The following PLEKHM2 variants were observed in gnomAD, a reference collection of about 807,000 sequenced individuals.
PLEKHM2 encodes the protein pleckstrin homology and RUN domain containing M2.
In PLEKHM2, 77 loss-of-function variants were observed where a neutral mutation model predicts 116.3. The ratio of observed to expected loss-of-function variants is 0.66; its 90% CI spans 0.55 to 0.80. PLEKHM2 has a LOEUF of 0.80. PLEKHM2 is among the 30% of genes least tolerant of loss of function. The probability of loss-of-function intolerance (pLI) is 0.00; values close to 1 mark genes in which losing one functional copy is unlikely to be tolerated. For missense variants in PLEKHM2, 1,183 were observed against 1,354.9 expected (o/e 0.87, Z 1.99); for synonymous variants, 562 against 571.0 (o/e 0.98, Z 0.22).
intron 1 of PLEKHM2, among the ~76,000 whole-genome samples, chr1:15,690,904 A>C (rs1219895202): frequency 6.6e-6 from 1 of 152,248 alleles, no homozygotes; most frequent in Non-Finnish European, 1.5e-5. Flanking sequence ...ACAAATACAG[A>C]GATGATTTCA....
At position 15,728,732 on chromosome 1, in the gene PLEKHM2, C is replaced by T. The variant is rs778617942; in HGVS notation, c.1985C>T (p.Ser662Leu). ...AVSYNELDYVSVGLDQQTVKL... is the reference protein window; with the variant it reads ...AVSYNELDYVLVGLDQQTVKL... ...TCTTACAATGAACTTGACTATGTGTCGGTGAGTCCAGGCCCCGCAGTTGTG... is the reference window on the plus strand; with the variant it reads ...TCTTACAATGAACTTGACTATGTGTTGGTGAGTCCAGGCCCCGCAGTTGTG... Residue 662 changes from serine to leucine, a missense_variant and splice_region_variant, in exon 12 of 20, where the codon TCG becomes TTG. By Grantham distance (145) the Ser-to-Leu change is moderately radical. Transcript: ENST00000375799. This position sits in a 1 kb window ranked among gnomAD's most constrained non-coding sequence, Gnocchi z 5.9. The T allele has an allele frequency of 4.5e-5, 73 of 1,607,882 alleles. No homozygotes were observed. Among genetic ancestry groups the T allele is most frequent in the South Asian group, 2.8e-4 (25 of 89,830 alleles).
Position 15,733,826 on chromosome 1 carries a change from A to G in PLEKHM2, c.2952A>G (p.Glu984=), listed in dbSNP as rs778091483. Residue 984 remains glutamate, a synonymous_variant, in exon 20 of 20, where the codon GAA becomes GAG. Transcript: ENST00000375799. The stretch of plus-strand genomic sequence containing the variant: ...ACCTCCCCCACACGGCGATCCAGGA[A>G]GCCTCCAACAAGAAGAAATTCGAGG... The part of the protein sequence containing the change: ...QVDLPHTAIQ[E]ASNKKKFEDA... 6.2e-7 allele frequency: 1 copy of G among 1,613,114 alleles called. No homozygotes were observed. The highest frequency in any genetic ancestry group is 8.5e-7 in the Non-Finnish European group (1 of 1,179,844).
chr1:15,733,791 A>T lies in PLEKHM2; in HGVS notation c.2923-6A>T. Reference sequence around the variant, plus strand: ...CCTCATCTGTTCTCTGCACGCCCCAACACAGGTGGACCTCCCCCACACGGC... The same window carrying T: ...CCTCATCTGTTCTCTGCACGCCCCATCACAGGTGGACCTCCCCCACACGGC... On this transcript the variant is annotated splice_region_variant and splice_polypyrimidine_tract_variant and intron_variant, in intron 19 of 19. Transcript: ENST00000375799. 6.2e-7 allele frequency: 1 copy of T among 1,612,524 alleles called. No homozygotes were observed. The highest frequency in any genetic ancestry group is 8.5e-7 in the Non-Finnish European group (1 of 1,179,572).
rs1045463031 is a variant in PLEKHM2, at chr1:15,721,045, A to C, written c.653-284A>C. On this transcript the variant is annotated intron_variant, in intron 6 of 19. Transcript: ENST00000375799. This position sits in a 1 kb window ranked among gnomAD's most constrained non-coding sequence, Gnocchi z 5.1. ...AGAGGTAGAAAACAAAGCTAGGCAC[A>C]GGCAGCCAGGCTTCTCTCTGCCAGA... The C allele has an allele frequency of 1.5e-5, 6 of 392,606 alleles. No homozygotes were observed. Among genetic ancestry groups the C allele is most frequent in the Non-Finnish European group, 2.3e-5 (5 of 219,698 alleles). 24.3% of individuals were successfully genotyped at this position (392,606 alleles called of 1,614,324 possible). A position where few individuals can be genotyped will look rare whatever the true frequency, so the allele number is the denominator to read the frequency against.
chr1:15,693,226 G>A (rs12084518), intron 1 of PLEKHM2, among the ~76,000 whole-genome samples: 55,853 of 143,074 alleles, frequency 0.39, 13,373 homozygotes, highest in African/African-American at 0.69. Flanking sequence ...TTTTTAGTAG[G>A]GATGGGGTTT....
chr1:15,729,253 T>C lies in PLEKHM2; in HGVS notation c.2075+63T>C. On this transcript the variant is annotated intron_variant, in intron 13 of 19. Coordinates refer to ENST00000375799, the MANE Select transcript of PLEKHM2 (RefSeq NM_015164.4). The surrounding 1 kb of genome is among the most constrained non-coding windows in gnomAD (Gnocchi z 4.7). ...GTTCGCAGCCGCCCATAGGTGTGGG[T>C]GGCCTGGGGGTCAGGGGTGGAGGTG... 2.9e-6 allele frequency: 4 copies of C among 1,400,010 alleles called. No individual in the cohort carries two copies. Among genetic ancestry groups the C allele is most frequent in the African/African-American group, 1.4e-5 (1 of 70,720 alleles). 86.7% of individuals were successfully genotyped at this position (1,400,010 alleles called of 1,614,324 possible). A position where few individuals can be genotyped will look rare whatever the true frequency, so the allele number is the denominator to read the frequency against.
At position 15,727,716 on chromosome 1, in the gene PLEKHM2, G is replaced by T. The variant is rs767459394; in HGVS notation, c.1644G>T (p.Glu548Asp). The T allele has an allele frequency of 6.3e-7, 1 of 1,597,324 alleles. No individual in the cohort carries two copies. Among genetic ancestry groups the T allele is most frequent in the Non-Finnish European group, 8.5e-7 (1 of 1,172,852 alleles). The change falls in exon 9 of 20, where the codon GAG becomes GAT. Residue 548 changes from glutamate to aspartate, a missense_variant. Glu to Asp is a conservative substitution (Grantham distance 45, BLOSUM62 2). Coordinates refer to ENST00000375799, the MANE Select transcript of PLEKHM2 (RefSeq NM_015164.4). This position sits in a 1 kb window ranked among gnomAD's most constrained non-coding sequence, Gnocchi z 7.5. Reference sequence around the variant, plus strand: ...CTGAGCCAGAGCCTGGGACCCAGGAGGTTCTCTGCCAGCTCAAGCGAGACC... The same window carrying T: ...CTGAGCCAGAGCCTGGGACCCAGGATGTTCTCTGCCAGCTCAAGCGAGACC... ...PVSEPEPGTQ[E>D]VLCQLKRDQP...
chr1:15,729,419 G>T lies in PLEKHM2; in HGVS notation c.2075+229G>T, dbSNP rs1205982159. 6.6e-6 allele frequency among the ~76,000 whole-genome samples: 1 copy of T among 152,174 alleles called. No individual in the cohort carries two copies. Among genetic ancestry groups the T allele is most frequent in the Non-Finnish European group, 1.5e-5 (1 of 68,016 alleles). ...CCTCAGCCCCTGGCGACTCTTGGGGGTGCTAGCATGAGTTGTTGGACAGGA... is the reference window on the plus strand; with the variant it reads ...CCTCAGCCCCTGGCGACTCTTGGGGTTGCTAGCATGAGTTGTTGGACAGGA... On this transcript the variant is annotated intron_variant, in intron 13 of 19. Coordinates refer to ENST00000375799, the MANE Select transcript of PLEKHM2 (RefSeq NM_015164.4). This position sits in a 1 kb window ranked among gnomAD's most constrained non-coding sequence, Gnocchi z 4.7.
At chr1:15,715,663 A>AAAAG (rs1283449912) in intron 1 of PLEKHM2, among the ~76,000 whole-genome samples, 23 of 152,350 alleles carry the variant, frequency 1.5e-4, no homozygotes, top group African/African-American at 4.6e-4. Flanking sequence ...AACCAAAAAG[A>AAAAG]AAAGAAAAAA....
intron 15 of PLEKHM2, 53 bp downstream of exon 15, chr1:15,730,775 C>CT: frequency 7.0e-7 from 1 of 1,437,246 alleles, no homozygotes; most frequent in Non-Finnish European, 9.5e-7. Context: ...GGTGGCTGGG[C>CT]TGTCAGGTCC....
chr1:15,733,848 G>T lies in PLEKHM2; in HGVS notation c.2974G>T (p.Glu992Ter). Residue 992 changes from glutamate to a stop codon, truncating the protein, a stop_gained, in exon 20 of 20, where the codon GAG becomes TAG. Transcript: ENST00000375799. LOFTEE classifies it high-confidence loss of function. ...IQEASNKKKF[E>*]DALSLIHSAW... is the part of the protein sequence containing the mutation. Reference sequence around the variant, plus strand: ...GGAAGCCTCCAACAAGAAGAAATTCGAGGATGCCTTGAGCCTCATCCACAG... The same window carrying T: ...GGAAGCCTCCAACAAGAAGAAATTCTAGGATGCCTTGAGCCTCATCCACAG... 6.2e-7 allele frequency: 1 copy of T among 1,613,116 alleles called. No homozygotes were observed. Among genetic ancestry groups the T allele is most frequent in the Non-Finnish European group, 8.5e-7 (1 of 1,179,840 alleles).
intron 19 of PLEKHM2, 77 bp from the exon 20 acceptor site, chr1:15,733,720 G>A: frequency 4.6e-6 from 7 of 1,509,532 alleles, no homozygotes; most frequent in South Asian, 3.7e-5. Flanking sequence ...GGCAGAGGCA[G>A]GCCTGGTGCC....
chr1:15,716,386 G>T, intron 2 of PLEKHM2, 43 bp downstream of exon 2: 1 of 1,219,054 alleles, frequency 8.2e-7, no homozygotes. Flanking sequence ...GCACAACCCA[G>T]GCCATGAGTA....
intron 1 of PLEKHM2, among the ~76,000 whole-genome samples, chr1:15,689,162 C>T (rs1464606955): frequency 6.6e-6 from 1 of 150,384 alleles, no homozygotes; most frequent in Non-Finnish European, 1.5e-5. Context: ...GCAGGAGAAT[C>T]GCTTAAACTC....
rs567746636 is a variant in PLEKHM2, at chr1:15,694,096, G to A, written c.60+9478G>A. Reference sequence around the variant, plus strand: ...TGGCCAGGTGTGGTGGCTCATGTCTGTAATCCCAGCACTTTGGGAGACCCA... The same window carrying A: ...TGGCCAGGTGTGGTGGCTCATGTCTATAATCCCAGCACTTTGGGAGACCCA... On this transcript the variant is annotated intron_variant, in intron 1 of 19. Transcript: ENST00000375799. 5.1e-4 allele frequency among the ~76,000 whole-genome samples: 77 copies of A among 152,262 alleles called. 3 individuals are homozygous for A. Among genetic ancestry groups the A allele is most frequent in the African/African-American group, 1.7e-3 (70 of 41,550 alleles).
At chr1:15,714,369 A>AG (rs1051927688) in intron 1 of PLEKHM2, among the ~76,000 whole-genome samples, 23 of 150,702 alleles carry the variant, frequency 1.5e-4, no homozygotes, top group African/African-American at 4.9e-4. Context: ...AAAAAAAAAA[A>AG]GCTCTACCCC....
intron 1 of PLEKHM2, among the ~76,000 whole-genome samples, chr1:15,687,564 G>C (rs928887136): frequency 1.3e-5 from 2 of 152,188 alleles, no homozygotes; most frequent in African/African-American, 4.8e-5. Context: ...TACAAGGTTT[G>C]AAGATGGCTC....
At chr1:15,685,278 A>T (rs1320746026) in intron 1 of PLEKHM2, among the ~76,000 whole-genome samples, 1 of 152,246 alleles carries the variant, frequency 6.6e-6, no homozygotes, top group Non-Finnish European at 1.5e-5. Flanking sequence ...TCCCAATTCC[A>T]GGTAGAAATG....
intron 1 of PLEKHM2, among the ~76,000 whole-genome samples, chr1:15,698,030 A>G (rs1241910325): frequency 6.6e-6 from 1 of 152,000 alleles, no homozygotes; most frequent in Non-Finnish European, 1.5e-5. Flanking sequence ...AAACTTGCTT[A>G]AAGATCGATG....
Sources: allele counts gnomAD v4.1 joint callset (sites outside exome capture counted in the v4.1 genomes callset), GRCh38; gene constraint gnomAD v4.1.1; non-coding constraint Gnocchi (gnomAD v3.1); transcripts MANE v1.5; gene names NCBI Gene and HGNC (gene_info 2026-07-23, HGNC 2026-07-21).